Variants in SCNN1B observed in about 807,000 individuals in gnomAD.
SCNN1B encodes epithelial sodium channel subunit beta.
A neutral mutation model predicts 65.3 loss-of-function variants in SCNN1B; 46 were observed. That is an observed-to-expected ratio of 0.70 (90% CI 0.56 to 0.90). The LOEUF is 0.90. Ranked by LOEUF, SCNN1B falls within the 40% of genes least tolerant of loss-of-function variation. The pLI is 0.00. For synonymous variants in SCNN1B, 349 were observed against 330.6 expected (o/e 1.06, Z -0.60); for missense variants, 751 against 830.5 (o/e 0.90, Z 1.18).
chr16:23,348,928 G>A lies in SCNN1B; in HGVS notation c.311+18G>A, dbSNP rs1159576146. On this transcript the variant is annotated intron_variant, in intron 2 of 12. Coordinates refer to ENST00000343070, the MANE Select transcript of SCNN1B (RefSeq NM_000336.3). The surrounding 1 kb of genome is among the most constrained non-coding windows in gnomAD (Gnocchi z 4.5). ...CCCTTCAAGTAGGTGGCCCCGGAGT[G>A]CACAGCTGGCCTCAGCAGACAGGCG... The A allele has an allele frequency of 1.9e-6, 3 of 1,608,726 alleles. No homozygotes were observed. In the Admixed American group the frequency reaches 5.0e-5, roughly 27 times the overall value.
intron 1 of SCNN1B, among the ~76,000 whole-genome samples, chr16:23,317,798 C>T (rs1419792240): frequency 6.6e-6 from 1 of 152,206 alleles, no homozygotes; most frequent in East Asian, 1.9e-4. Flanking sequence ...TGTCTTGCCT[C>T]CAGCCTCTAG....
intron 7 of SCNN1B, 122 bp downstream of exon 7, chr16:23,372,005 C>A: frequency 1.3e-6 from 1 of 768,258 alleles, no homozygotes; most frequent in Non-Finnish European, 2.3e-6. Flanking sequence ...TTGTAGGTTG[C>A]CACGGGGCAC....
At chr16:23,364,906 G>A (rs1322222994) in intron 4 of SCNN1B, among the ~76,000 whole-genome samples, 1 of 151,606 alleles carries the variant, frequency 6.6e-6, no homozygotes, top group Admixed American at 6.6e-5. Flanking sequence ...TGGGTGGATT[G>A]CCTGAGGTCA....
chr16:23,281,556 G>A (rs1286203766), intron 1 of SCNN1B, among the ~76,000 whole-genome samples: 4 of 152,188 alleles, frequency 2.6e-5, no homozygotes, highest in Admixed American at 6.5e-5. Flanking sequence ...TGTCCCTGGT[G>A]GGGTCAGGTA....
intron 1 of SCNN1B, among the ~76,000 whole-genome samples, chr16:23,331,915 T>C (rs958327909): frequency 7.2e-5 from 11 of 152,176 alleles, no homozygotes; most frequent in Non-Finnish European, 1.5e-4. Flanking sequence ...CAGGGCATTA[T>C]AAGGAAACCC....
chr16:23,304,766 A>G (rs1193903848), intron 1 of SCNN1B, among the ~76,000 whole-genome samples: 1 of 152,154 alleles, frequency 6.6e-6, no homozygotes, highest in Non-Finnish European at 1.5e-5. Flanking sequence ...AATCAGAGAC[A>G]CTACATTATA....
At chr16:23,341,789 C>A (rs1310563060) in intron 1 of SCNN1B, among the ~76,000 whole-genome samples, 1 of 152,182 alleles carries the variant, frequency 6.6e-6, no homozygotes, top group East Asian at 1.9e-4. Flanking sequence ...TCACTTCACA[C>A]CCCATTAAGG....
At position 23,371,282 on chromosome 16, in the gene SCNN1B, C is replaced by A. The variant is rs760204834; in HGVS notation, c.881-17C>A. Reference sequence around the variant, plus strand: ...CAGGAGAAAGTTCAGGCAGCCCTCACCCCACCCTCCCCACAGGCCTGAAGT... The same window carrying A: ...CAGGAGAAAGTTCAGGCAGCCCTCAACCCACCCTCCCCACAGGCCTGAAGT... On this transcript the variant is annotated splice_polypyrimidine_tract_variant and intron_variant, in intron 5 of 12. Transcript: ENST00000343070. 1.2e-6 allele frequency: 2 copies of A among 1,613,638 alleles called. No individual in the cohort carries two copies. The highest frequency in any genetic ancestry group is 1.7e-6 in the Non-Finnish European group (2 of 1,179,872).
intron 1 of SCNN1B, among the ~76,000 whole-genome samples, chr16:23,320,375 A>G (rs1466289508): frequency 6.6e-6 from 1 of 152,164 alleles, no homozygotes; most frequent in Non-Finnish European, 1.5e-5. Flanking sequence ...TTGGAGAACC[A>G]CTGCCCTCAG....
At chr16:23,332,052 A>G (rs1442500579) in intron 1 of SCNN1B, among the ~76,000 whole-genome samples, 2 of 152,094 alleles carry the variant, frequency 1.3e-5, no homozygotes, top group Admixed American at 1.3e-4. Context: ...TTTTAGAGAC[A>G]GGGTCCTGCT....
chr16:23,380,339 A>C lies in SCNN1B; in HGVS notation c.1543-82A>C. Reference sequence around the variant, plus strand: ...CACCCCCTCCCGTTCCCACCCAAGAATCACCTCCCAGGAAGCTGTGAGGCT... The same window carrying C: ...CACCCCCTCCCGTTCCCACCCAAGACTCACCTCCCAGGAAGCTGTGAGGCT... On this transcript the variant is annotated intron_variant, in intron 12 of 12. Coordinates refer to ENST00000343070, the MANE Select transcript of SCNN1B (RefSeq NM_000336.3). The surrounding 1 kb of genome is among the most constrained non-coding windows in gnomAD (Gnocchi z 5.4). 1 of 1,607,682 alleles carries C rather than the reference A, an allele frequency of 6.2e-7. No homozygotes were observed. Among genetic ancestry groups the C allele is most frequent in the Non-Finnish European group, 8.5e-7 (1 of 1,175,770 alleles).
At chr16:23,370,606 T>G (rs772204592) in intron 5 of SCNN1B, among the ~76,000 whole-genome samples, 2 of 152,112 alleles carry the variant, frequency 1.3e-5, no homozygotes, top group Non-Finnish European at 2.9e-5. Flanking sequence ...ATCACACAAA[T>G]GAGGCAGGTA....
chr16:23,323,402 A>G (rs1961628526), intron 1 of SCNN1B, among the ~76,000 whole-genome samples: 1 of 152,198 alleles, frequency 6.6e-6, no homozygotes, highest in South Asian at 2.1e-4. Flanking sequence ...CAAGGGCTCC[A>G]GCATGTGGTT....
intron 10 of SCNN1B, among the ~76,000 whole-genome samples, chr16:23,377,760 TTCC>T: frequency 9.9e-6 from 1 of 101,000 alleles, no homozygotes; most frequent in South Asian, 3.3e-4. Context: ...CTTTCTTTCC[TTCC>T]TTCCTCCTTT....
chr16:23,293,835 G>A (rs955047670), intron 2 of SCNN1B, among the ~76,000 whole-genome samples: 2 of 151,402 alleles, frequency 1.3e-5, no homozygotes, highest in East Asian at 3.9e-4. Flanking sequence ...GAGGGAGGAG[G>A]ATCTCTTGAG....
chr16:23,377,003 G>A (rs998890590), intron 8 of SCNN1B, among the ~76,000 whole-genome samples, 162 bp from the exon 9 acceptor site: 1 of 152,308 alleles, frequency 6.6e-6, no homozygotes, highest in African/African-American at 2.4e-5. Context: ...ATGGCTGGAG[G>A]TCGGGGGCTG....
chr16:23,332,521 G>A (rs1015697300), intron 1 of SCNN1B, among the ~76,000 whole-genome samples: 7 of 151,846 alleles, frequency 4.6e-5, no homozygotes, highest in Non-Finnish European at 8.8e-5. Flanking sequence ...TTGTAGAGAC[G>A]GGATCTCACT....
At position 23,348,651 on chromosome 16, in the gene SCNN1B, C is replaced by T. The variant is rs1393115210; in HGVS notation, c.52C>T (p.Pro18Ser). 6.2e-7 allele frequency: 1 copy of T among 1,613,478 alleles called. No homozygotes were observed. Among genetic ancestry groups the T allele is most frequent in the Non-Finnish European group, 8.5e-7 (1 of 1,179,988 alleles). ...GGGCCTGCATCGGCTGCAGAAGGGC[C>T]CCGGCTACACGTACAAGGAGCTGCT... ...LKGLHRLQKG[P>S]GYTYKELLVW... The change falls in exon 2 of 13, where the codon CCC (proline) becomes TCC (serine). Residue 18 changes from proline (P) to serine (S), a missense_variant. Transcript: ENST00000343070. The surrounding 1 kb of genome is among the most constrained non-coding windows in gnomAD (Gnocchi z 4.5).
intron 1 of SCNN1B, among the ~76,000 whole-genome samples, chr16:23,317,489 TGGAGGGATG>T: frequency 6.6e-6 from 1 of 151,954 alleles, no homozygotes; most frequent in East Asian, 1.9e-4. Flanking sequence ...AGCCAGGGTA[TGGAGGGATG>T]GGAGGGGAGC....
Sources: gnomAD v4.1 joint callset for allele counts (sites outside exome capture counted in the v4.1 genomes callset) on GRCh38, gnomAD v4.1.1 for gene constraint, Gnocchi (gnomAD v3.1) non-coding constraint, MANE v1.5 for transcripts, NCBI Gene and HGNC (gene_info 2026-07-23, HGNC 2026-07-21) for gene names.